The following VPS33A variants were observed in gnomAD, a reference collection of about 807,000 sequenced individuals.
VPS33A encodes vacuolar protein sorting-associated protein 33A.
Under a neutral mutation model 71.8 loss-of-function variants are expected in VPS33A, and 32 were observed. The observed-to-expected ratio is 0.45, with a 90% CI of 0.34 to 0.60. The LOEUF is 0.60. Ranked by LOEUF, VPS33A falls within the 20% of genes least tolerant of loss-of-function variation. The probability of loss-of-function intolerance (pLI) is 0.02; values close to 1 mark genes in which losing one functional copy is unlikely to be tolerated. For missense variants in VPS33A, 625 were observed against 748.5 expected, an observed-to-expected ratio of 0.84 and a Z score of 1.92; for synonymous variants, 311 against 292.7, an observed-to-expected ratio of 1.06 and a Z score of -0.64.
chr12:122,251,213 C>T (rs1954839825), intron 4 of VPS33A, 114 bp from the exon 5 acceptor site: 1 of 730,576 alleles, frequency 1.4e-6, no homozygotes, highest in South Asian at 1.8e-5. Context: ...AGTTATTTCA[C>T]ACTGTGCCAG....
At position 122,249,868 on chromosome 12, in the gene VPS33A, T is replaced by C; in HGVS notation, c.775+3A>G. On this transcript the variant is annotated splice_donor_region_variant and intron_variant, in intron 6 of 12. Transcript: ENST00000267199. ...TTAGTGAAAACAGATGTCATGTACTTACTGTTCTGAATGCCATAAATTTCA... is the reference window on the plus strand; with the variant it reads ...TTAGTGAAAACAGATGTCATGTACTCACTGTTCTGAATGCCATAAATTTCA... The C allele has an allele frequency of 6.2e-7, 1 of 1,611,748 alleles. No individual in the cohort carries two copies. The highest frequency in any genetic ancestry group is 8.5e-7 in the Non-Finnish European group (1 of 1,179,186).
chr12:122,239,935 G>A lies in VPS33A; in HGVS notation c.1107C>T (p.Asp369=). 4.3e-6 allele frequency: 7 copies of A among 1,612,922 alleles called. No individual in the cohort carries two copies. The highest frequency in any genetic ancestry group is 5.9e-6 in the Non-Finnish European group (7 of 1,179,420). The change falls in exon 9 of 13, where the codon GAC becomes GAT. Residue 369 remains aspartate, a synonymous_variant. Coordinates refer to ENST00000267199, the MANE Select transcript of VPS33A (RefSeq NM_022916.6). ...GTTCCACGGTTAATTTATCAAAAAA[G>A]TCTTCAGAAGCTAAAATGAAATTAG... ...ELIKDVTTSE[D]FFDKLTVEQE...
chr12:122,237,700 C>T (rs1170960687), intron 10 of VPS33A, among the ~76,000 whole-genome samples: 2 of 78,758 alleles, frequency 2.5e-5, no homozygotes, highest in South Asian at 4.3e-4. Context: ...CCCGCCACCG[C>T]GCCCGGCTAA....
At chr12:122,238,875 G>T in intron 9 of VPS33A, 151 bp from the exon 10 acceptor site, 1 of 908,146 alleles carries the variant, frequency 1.1e-6, no homozygotes, top group Non-Finnish European at 1.6e-6. Context: ...GGAGATACGT[G>T]GGAAAATGAG....
Position 122,261,698 on chromosome 12 carries a change from G to A in VPS33A, c.297-251C>T, listed in dbSNP as rs199579246. ...AGTCTGGTCAAGGTGGCAAAACCCCGTCTCTATAAAATATACAAAAATGGC... is the reference window on the plus strand; with the variant it reads ...AGTCTGGTCAAGGTGGCAAAACCCCATCTCTATAAAATATACAAAAATGGC... On this transcript the variant is annotated intron_variant, in intron 3 of 12. Coordinates refer to ENST00000267199, the MANE Select transcript of VPS33A (RefSeq NM_022916.6). 1.3e-4 allele frequency among the ~76,000 whole-genome samples: 19 copies of A among 151,894 alleles called. No homozygotes were observed. In the East Asian group the frequency reaches 2.1e-3, roughly 17 times the overall value.
intron 1 of VPS33A, chr12:122,265,712 G>A (rs1206049401): frequency 8.8e-6 from 4 of 454,518 alleles, no homozygotes; most frequent in South Asian, 1.6e-5. Context: ...GTAACTTAGG[G>A]TGACTGATAA....
At chr12:122,246,342 C>G (rs1002332609) in intron 6 of VPS33A, among the ~76,000 whole-genome samples, 1 of 152,050 alleles carries the variant, frequency 6.6e-6, no homozygotes, top group Admixed American at 6.6e-5. Flanking sequence ...CTCTCTCGCC[C>G]AGGCTGGAGT....
chr12:122,237,370 T>C lies in VPS33A; in HGVS notation c.1302+1217A>G, dbSNP rs76120705. On this transcript the variant is annotated intron_variant, in intron 10 of 12. Coordinates refer to ENST00000267199, the MANE Select transcript of VPS33A (RefSeq NM_022916.6). The stretch of plus-strand genomic sequence containing the variant: ...TACCAGCCAGGTAACCTTGGGTGAG[T>C]TACCTAAACTAGTCTGTGCCTCAGT... Among the ~76,000 whole-genome samples the C allele has an allele frequency of 9.1e-3, 1,382 of 152,146 alleles. 24 individuals carry two copies. The highest frequency in any genetic ancestry group is 0.032 in the African/African-American group (1,323 of 41,498).
At chr12:122,264,800 C>T (rs1398205540) in intron 1 of VPS33A, 1 of 152,148 alleles carries the variant, frequency 6.6e-6, no homozygotes, top group Non-Finnish European at 1.5e-5. Context: ...GAGTTAATCA[C>T]TGTCCTGAAC....
chr12:122,248,469 C>T (rs4758650), intron 6 of VPS33A: 68,714 of 152,018 alleles, frequency 0.45, 17,609 homozygotes, highest in African/African-American at 0.69. Flanking sequence ...GTATCACATT[C>T]TAAAGCTGAC....
Position 122,240,289 on chromosome 12 carries a change from T to C in VPS33A, c.1097-344A>G, listed in dbSNP as rs565483067. Among the ~76,000 whole-genome samples the C allele has an allele frequency of 2.1e-4, 32 of 152,024 alleles. No individual in the cohort carries two copies. The South Asian group carries it at 6.0e-3, about 29-fold the overall frequency. On this transcript the variant is annotated intron_variant, in intron 8 of 12. Coordinates refer to ENST00000267199, the MANE Select transcript of VPS33A (RefSeq NM_022916.6). ...GTTACAGTGAGCCAAGATCACACCA[T>C]TGCTCTCCAGCCTGGGCAACAGAGC...
chr12:122,231,922 T>C lies in VPS33A; in HGVS notation c.*324A>G, dbSNP rs145679840. ...AAATACAAAAATTAGCCGGGTGTGG[T>C]GGTGCATGCCTGTAGTCCCAGCTAC... is the stretch of plus-strand genomic sequence containing the variant. On this transcript the variant is annotated 3_prime_UTR_variant, in exon 13 of 13. Coordinates refer to ENST00000267199, the MANE Select transcript of VPS33A (RefSeq NM_022916.6). 2.6e-3 allele frequency: 1,031 copies of C among 389,112 alleles called. 17 individuals are homozygous for C. In the East Asian group the frequency reaches 0.032, roughly 12 times the overall value. 24.1% of individuals were successfully genotyped at this position (389,112 alleles called of 1,614,324 possible).
At chr12:122,254,906 G>T (rs1954895791) in intron 4 of VPS33A, among the ~76,000 whole-genome samples, 1 of 152,014 alleles carries the variant, frequency 6.6e-6, no homozygotes, top group Admixed American at 6.6e-5. Context: ...CAAAAAATTA[G>T]CCAGTGTGGT....
At position 122,251,028 on chromosome 12, in the gene VPS33A, C is replaced by G. The variant is rs999841401; in HGVS notation, c.555G>C (p.Leu185=). 1 of 1,614,202 alleles carries G rather than the reference C, an allele frequency of 6.2e-7. No homozygotes were observed. The highest frequency in any genetic ancestry group is 1.3e-5 in the African/African-American group (1 of 75,046). Reference sequence around the variant, plus strand: ...CAAAGATCTGGGGGATCGTTCCATACAGAGCTTGCAGGGTCATCAGCCCCT... The same window carrying G: ...CAAAGATCTGGGGGATCGTTCCATAGAGAGCTTGCAGGGTCATCAGCCCCT... ...AAKGLMTLQA[L]YGTIPQIFGK... is the part of the protein sequence containing the mutation. Residue 185 remains leucine, a synonymous_variant, in exon 5 of 13, where the codon CTG becomes CTC. Transcript: ENST00000267199.
At chr12:122,244,235 T>A (rs2136131815) in intron 7 of VPS33A, among the ~76,000 whole-genome samples, 1 of 152,288 alleles carries the variant, frequency 6.6e-6, no homozygotes, top group Non-Finnish European at 1.5e-5. Context: ...TATAGAGGAT[T>A]CTTTATTTGT....
chr12:122,246,180 A>C (rs1290173184), intron 6 of VPS33A, among the ~76,000 whole-genome samples: 1 of 152,186 alleles, frequency 6.6e-6, no homozygotes, highest in African/African-American at 2.4e-5. Flanking sequence ...CAGGGAAAGA[A>C]AATAATCTGA....
chr12:122,260,767 T>C (rs1040649025), intron 4 of VPS33A, among the ~76,000 whole-genome samples: 4 of 151,822 alleles, frequency 2.6e-5, no homozygotes, highest in South Asian at 2.1e-4. Context: ...GGGCGGATCA[T>C]GAAGCGGATC....
chr12:122,253,172 G>C (rs536536235), intron 4 of VPS33A: 1 of 152,192 alleles, frequency 6.6e-6, no homozygotes, highest in Non-Finnish European at 1.5e-5. Context: ...ACGTTTCCCT[G>C]AATATGGCAG....
rs181717541 is a variant in VPS33A at position 122,230,040 on chromosome 12, T to C, written c.*2206A>G. 6.6e-6 allele frequency: 1 copy of C among 152,334 alleles called. No homozygotes were observed. The highest frequency in any genetic ancestry group is 1.9e-4 in the East Asian group (1 of 5,192). 9.4% of individuals were successfully genotyped at this position (152,334 alleles called of 1,614,324 possible). A position where few individuals can be genotyped will look rare whatever the true frequency, so the allele number is the denominator to read the frequency against. ...TCCATTCTCTAAAGCAGCTGATGAC[T>C]GCCTGAGGTGGAAGGTATAAACTAA... On this transcript the variant is annotated 3_prime_UTR_variant, in exon 13 of 13. Coordinates refer to ENST00000267199, the MANE Select transcript of VPS33A (RefSeq NM_022916.6).
Sources: allele counts gnomAD v4.1 joint callset (sites outside exome capture counted in the v4.1 genomes callset), GRCh38; gene constraint gnomAD v4.1.1; transcripts MANE v1.5; gene names NCBI Gene and HGNC (gene_info 2026-07-23, HGNC 2026-07-21).